RASAL2: variants seen among roughly 807,000 people sequenced by gnomAD.
RASAL2 encodes RAS protein activator like 2.
Under a neutral mutation model 128.9 loss-of-function variants are expected in RASAL2, and 58 were observed. That is an observed-to-expected ratio of 0.45 (90% CI 0.36 to 0.56). The LOEUF (loss-of-function observed/expected upper bound fraction) is 0.56. RASAL2 is among the 20% of genes least tolerant of loss of function. The pLI is 0.00. For synonymous variants in RASAL2, 561 were observed against 580.8 expected, an observed-to-expected ratio of 0.97 and a Z score of 0.49; for missense variants, 1,360 against 1,601.6, an observed-to-expected ratio of 0.85 and a Z score of 2.57.
intron 1 of RASAL2, among the ~76,000 whole-genome samples, chr1:178,196,117 A>G (rs951799661): frequency 6.6e-6 from 1 of 152,140 alleles, no homozygotes; most frequent in Non-Finnish European, 1.5e-5. Flanking sequence ...TATTTAAGAA[A>G]TAAGGTAGGA....
At chr1:178,324,807 G>A (rs1668958583) in intron 3 of RASAL2, among the ~76,000 whole-genome samples, 1 of 151,948 alleles carries the variant, frequency 6.6e-6, no homozygotes, top group Non-Finnish European at 1.5e-5. Context: ...TCAAGCAGAA[G>A]GATTTATAAA....
chr1:178,097,657 A>G (rs1428552732), intron 1 of RASAL2, among the ~76,000 whole-genome samples: 4 of 152,188 alleles, frequency 2.6e-5, no homozygotes, highest in African/African-American at 7.2e-5. Flanking sequence ...ATTAAGTGCA[A>G]TTTGCATCTC....
intron 1 of RASAL2, among the ~76,000 whole-genome samples, chr1:178,209,958 A>G (rs1169020365): frequency 6.6e-6 from 1 of 151,992 alleles, no homozygotes; most frequent in Non-Finnish European, 1.5e-5. Context: ...TCAAATGTGG[A>G]AAAATATTAG....
rs1046324305 is a variant in RASAL2 at position 178,476,379 on chromosome 1, C to T, written c.*3140C>T. 1 of 152,158 alleles carries T rather than the reference C, an allele frequency of 6.6e-6. No individual in the cohort carries two copies. The highest frequency in any genetic ancestry group is 1.5e-5 in the Non-Finnish European group (1 of 68,040). 9.4% of individuals were successfully genotyped at this position (152,158 alleles called of 1,614,324 possible). ...CATTTCCATCAGGTCATCATATTCC[C>T]TGAGTCTCTGCAGCAAAAGCCATGT... On this transcript the variant is annotated 3_prime_UTR_variant, in exon 18 of 18. Coordinates refer to ENST00000367649, the MANE Select transcript of RASAL2 (RefSeq NM_170692.4).
intron 3 of RASAL2, among the ~76,000 whole-genome samples, chr1:178,380,311 TAGAG>T (rs1338487207): frequency 4.6e-5 from 7 of 152,090 alleles, no homozygotes; most frequent in Admixed American, 2.6e-4. Flanking sequence ...ATGTCACTAA[TAGAG>T]AGATCAAAAG....
At chr1:178,387,600 C>T (rs1672660327) in intron 3 of RASAL2, among the ~76,000 whole-genome samples, 2 of 151,760 alleles carry the variant, frequency 1.3e-5, no homozygotes, top group Non-Finnish European at 2.9e-5. Context: ...GTTCAGTTCC[C>T]ACCTATGAGT....
At chr1:178,449,783 A>G (rs1366593683) in intron 9 of RASAL2, among the ~76,000 whole-genome samples, 1 of 152,136 alleles carries the variant, frequency 6.6e-6, no homozygotes, top group Non-Finnish European at 1.5e-5. Flanking sequence ...TTAAGCTGGT[A>G]CTATAGACAA....
rs1648538436 is a variant in RASAL2 at position 178,474,521 on chromosome 1, A to G, written c.*1282A>G. 6.6e-6 allele frequency: 1 copy of G among 152,170 alleles called. No homozygotes were observed. Among genetic ancestry groups the G allele is most frequent in the African/African-American group, 2.4e-5 (1 of 41,440 alleles). 9.4% of individuals were successfully genotyped at this position (152,170 alleles called of 1,614,324 possible). A position where few individuals can be genotyped will look rare whatever the true frequency, so the allele number is the denominator to read the frequency against. Reference sequence around the variant, plus strand: ...TCCAATGCTCGTAGATCTGACAATAATGACCCAATTTCAACACTTGTCATC... The same window carrying G: ...TCCAATGCTCGTAGATCTGACAATAGTGACCCAATTTCAACACTTGTCATC... On this transcript the variant is annotated 3_prime_UTR_variant, in exon 18 of 18. Transcript: ENST00000367649.
chr1:178,383,129 AGTG>A (rs950955167), intron 3 of RASAL2, among the ~76,000 whole-genome samples: 4 of 152,188 alleles, frequency 2.6e-5, no homozygotes, highest in Non-Finnish European at 5.9e-5. Context: ...GAAGCAAGGA[AGTG>A]GTGGGGAGAC....
intron 1 of RASAL2, among the ~76,000 whole-genome samples, chr1:178,222,225 G>T (rs1663639972): frequency 6.6e-6 from 1 of 151,922 alleles, no homozygotes; most frequent in South Asian, 2.1e-4. Flanking sequence ...TTAGATTATC[G>T]ATGTGTAAAA....
At chr1:178,209,464 TC>T (rs1227720178) in intron 1 of RASAL2, among the ~76,000 whole-genome samples, 2 of 152,304 alleles carry the variant, frequency 1.3e-5, no homozygotes, top group East Asian at 3.9e-4. Flanking sequence ...TCAGTGTAAC[TC>T]CCAAGTAGTC....
At chr1:178,450,673 CT>C (rs1262565188) in intron 9 of RASAL2, among the ~76,000 whole-genome samples, 1 of 152,088 alleles carries the variant, frequency 6.6e-6, no homozygotes, top group Non-Finnish European at 1.5e-5. Flanking sequence ...TTAGGAGGAT[CT>C]TTGAAAGATC....
intron 4 of RASAL2, among the ~76,000 whole-genome samples, chr1:178,399,546 C>G (rs1384290728): frequency 6.6e-6 from 1 of 152,098 alleles, no homozygotes; most frequent in African/African-American, 2.4e-5. Context: ...TGGACGCCCA[C>G]TGCTGAGTCA....
At chr1:178,370,339 A>G (rs1221015588) in intron 3 of RASAL2, among the ~76,000 whole-genome samples, 15 of 152,166 alleles carry the variant, frequency 9.9e-5, no homozygotes, top group Admixed American at 7.9e-4. Flanking sequence ...CTGATGTCCA[A>G]TCCCAGAGCT....
At chr1:178,163,609 T>C (rs1408528079) in intron 1 of RASAL2, among the ~76,000 whole-genome samples, 1 of 152,188 alleles carries the variant, frequency 6.6e-6, no homozygotes, top group Admixed American at 6.5e-5. Context: ...GCTCACAAAT[T>C]TATGAGTTTA....
At chr1:178,100,852 G>A (rs1303315329) in intron 1 of RASAL2, among the ~76,000 whole-genome samples, 3 of 152,190 alleles carry the variant, frequency 2.0e-5, no homozygotes, top group Non-Finnish European at 4.4e-5. Context: ...TCAGCTGTTT[G>A]CTCCCTTGTC....
intron 5 of RASAL2, among the ~76,000 whole-genome samples, chr1:178,430,347 A>G (rs1427915109): frequency 6.6e-6 from 1 of 152,132 alleles, no homozygotes; most frequent in East Asian, 1.9e-4. Context: ...TTTATGAACT[A>G]AAACCCAATT....
chr1:178,411,722 G>T (rs796158455), intron 4 of RASAL2: 3 of 803,810 alleles, frequency 3.7e-6, no homozygotes, highest in African/African-American at 1.7e-5. Context: ...ACCATCTGCC[G>T]TGTGACTGGT....
intron 1 of RASAL2, among the ~76,000 whole-genome samples, chr1:178,140,787 A>G (rs1395019311): frequency 6.6e-6 from 1 of 152,232 alleles, no homozygotes; most frequent in African/African-American, 2.4e-5. Flanking sequence ...TTTTACTTGA[A>G]AAGCAAAATC....
Sources: allele counts gnomAD v4.1 joint callset (sites outside exome capture counted in the v4.1 genomes callset), GRCh38; gene constraint gnomAD v4.1.1; transcripts MANE v1.5; gene names NCBI Gene and HGNC (gene_info 2026-07-23, HGNC 2026-07-21).